The following DDR1 variants were observed in gnomAD, a reference collection of about 807,000 sequenced individuals.
DDR1 encodes discoidin domain receptor tyrosine kinase 1, also known as epithelial discoidin domain-containing receptor 1.
A neutral mutation model predicts 97.4 loss-of-function variants in DDR1; 64 were observed. The ratio of observed to expected loss-of-function variants is 0.66; its 90% CI spans 0.54 to 0.81. The LOEUF is 0.81. DDR1 is among the 30% of genes least tolerant of loss of function. DDR1 has a pLI of 0.00. For missense variants in DDR1, 990 were observed against 1,259.6 expected (o/e 0.79, Z 3.24); for synonymous variants, 458 against 503.7 (o/e 0.91, Z 1.21).
Position 30,899,249 on chromosome 6 carries a change from T to G in DDR1, c.2695T>G (p.Ser899Ala), listed in dbSNP as rs1282383384. The G allele has an allele frequency of 1.2e-6, 2 of 1,613,914 alleles. No homozygotes were observed. Among genetic ancestry groups the G allele is most frequent in the African/African-American group, 2.7e-5 (2 of 74,904 alleles). Residue 899 changes from serine to alanine, a missense_variant, in exon 18 of 18, where the codon TCC (serine) becomes GCC (alanine). By Grantham distance (99) the Ser-to-Ala change is moderately conservative (BLOSUM62 1). Transcript: ENST00000376568. ...GGAGTCTGAGCAGCGACCACCCTTT[T>G]CCCAGCTGCATCGGTTCCTGGCAGA... ...SRESEQRPPFSQLHRFLAEDA... is the reference protein window; with the variant it reads ...SRESEQRPPFAQLHRFLAEDA...
chr6:30,887,311 ATATCT>A (rs1308113343), intron 1 of DDR1, among the ~76,000 whole-genome samples: 1 of 152,258 alleles, frequency 6.6e-6, no homozygotes, highest in Non-Finnish European at 1.5e-5. Flanking sequence ...ATTCTTTTAC[ATATCT>A]TATGATTTTA....
intron 1 of DDR1, chr6:30,885,052 C>A: frequency 1.5e-6 from 1 of 670,808 alleles, no homozygotes; most frequent in Non-Finnish European, 2.5e-6. Context: ...CTATCGCCTG[C>A]CCTCCACCTG....
In DDR1 at chr6:30,888,875, C is replaced by T. The variant is rs1786879294; in HGVS notation, c.86-33C>T. 2.5e-6 allele frequency: 4 copies of T among 1,612,726 alleles called. No homozygotes were observed. The highest frequency in any genetic ancestry group is 3.4e-6 in the Non-Finnish European group (4 of 1,179,930). On this transcript the variant is annotated intron_variant, in intron 2 of 17. Transcript: ENST00000376568. The surrounding 1 kb of genome is among the most constrained non-coding windows in gnomAD (Gnocchi z 4.2). Reference sequence around the variant, plus strand: ...GGCTTGGGAGGTAGAGAGTTGGGGGCCTTGACCTGTTACATGCCTGCTTTT... The same window carrying T: ...GGCTTGGGAGGTAGAGAGTTGGGGGTCTTGACCTGTTACATGCCTGCTTTT...
At chr6:30,895,898 C>G (rs1390593099) in intron 12 of DDR1, among the ~76,000 whole-genome samples, 1 of 152,156 alleles carries the variant, frequency 6.6e-6, no homozygotes, top group Non-Finnish European at 1.5e-5. Flanking sequence ...TGCCCTTTCC[C>G]TCACATGTGT....
In DDR1 at chr6:30,885,334, G is replaced by A. The variant is rs1235712822; in HGVS notation, c.-43+624G>A. 6 of 1,429,282 alleles carry A rather than the reference G, an allele frequency of 4.2e-6. No homozygotes were observed. The African/African-American group carries it at 8.4e-5, about 20-fold the overall frequency. The allele number at this position is 1,429,282 out of a possible 1,614,324, so 88.5% of individuals were successfully genotyped here. On this transcript the variant is annotated intron_variant, in intron 1 of 17. Coordinates refer to ENST00000376568, the MANE Select transcript of DDR1 (RefSeq NM_001297654.2). ...CAGAGGCAGGCGCCCAAGCTCGCTG[G>A]CTGTTGCTGAGGGCCTGTAGGTGTG... is the stretch of plus-strand genomic sequence containing the variant.
Position 30,895,490 on chromosome 6 carries a change from T to C in DDR1, c.1600T>C (p.Trp534Arg). Residue 534 changes from tryptophan (W) to arginine (R), a missense_variant, in exon 12 of 18, where the codon TGG becomes CGG. Transcript: ENST00000376568. ...PRGPGPPTPA[W>R]AKPTNTQAYS... Reference sequence around the variant, plus strand: ...AGGCCCGGGCCCCCCCACACCCGCCTGGGCCAAACCCACCAACACCCAGGG... The same window carrying C: ...AGGCCCGGGCCCCCCCACACCCGCCCGGGCCAAACCCACCAACACCCAGGG... The C allele has an allele frequency of 6.2e-7, 1 of 1,601,958 alleles. No homozygotes were observed. Among genetic ancestry groups the C allele is most frequent in the African/African-American group, 1.3e-5 (1 of 74,934 alleles).
In DDR1 at chr6:30,886,147, A is replaced by G. The variant is rs1468768292; in HGVS notation, c.-43+1437A>G. ...TGCCCCGTGTTTCTGAGCCTGCTCT[A>G]TTTACCTCTTGCATTGTGGCTCTCG... is the stretch of plus-strand genomic sequence containing the variant. On this transcript the variant is annotated intron_variant, in intron 1 of 17. Transcript: ENST00000376568. This position sits in a 1 kb window ranked among gnomAD's most constrained non-coding sequence, Gnocchi z 4.6. Among the ~76,000 whole-genome samples the G allele has an allele frequency of 6.6e-6, 1 of 151,708 alleles. No individual in the cohort carries two copies. Among genetic ancestry groups the G allele is most frequent in the African/African-American group, 2.4e-5 (1 of 41,250 alleles).
At chr6:30,885,050 T>A (rs1255131768) in intron 1 of DDR1, 1 of 659,852 alleles carries the variant, frequency 1.5e-6, no homozygotes, top group African/African-American at 1.8e-5. Flanking sequence ...ATCTATCGCC[T>A]GCCCTCCACC....
chr6:30,891,547 G>GTGTCTGTGTGTT lies in DDR1; in HGVS notation c.665+71_665+72insCTGTGTGTTTGT. The stretch of plus-strand genomic sequence containing the variant: ...GAGGACTGTGTGTGTGTGTGTGTGT[G>GTGTCTGTGTGTT]TGTGTGTGTGAGAGTGTGTGTGTGT... On this transcript the variant is annotated intron_variant, in intron 6 of 17. Coordinates refer to ENST00000376568, the MANE Select transcript of DDR1 (RefSeq NM_001297654.2). The surrounding 1 kb of genome is among the most constrained non-coding windows in gnomAD (Gnocchi z 5.3). 5 of 960,656 alleles carry GTGTCTGTGTGTT rather than the reference G, an allele frequency of 5.2e-6. No homozygotes were observed. The highest frequency in any genetic ancestry group is 1.6e-6 in the Non-Finnish European group (1 of 625,830). 59.5% of individuals were successfully genotyped at this position (960,656 alleles called of 1,614,324 possible). A position where few individuals can be genotyped will look rare whatever the true frequency, so the allele number is the denominator to read the frequency against.
rs1788300879 is a variant in DDR1, at chr6:30,891,552, T to TGTGTGC, written c.665+78_665+79insCGTGTG. On this transcript the variant is annotated intron_variant, in intron 6 of 17. Coordinates refer to ENST00000376568, the MANE Select transcript of DDR1 (RefSeq NM_001297654.2). This position sits in a 1 kb window ranked among gnomAD's most constrained non-coding sequence, Gnocchi z 5.3. ...CTGTGTGTGTGTGTGTGTGTGTGTG[T>TGTGTGC]GTGTGAGAGTGTGTGTGTGTAGGGG... The TGTGTGC allele has an allele frequency of 3.2e-6, 3 of 951,122 alleles. No homozygotes were observed. Among genetic ancestry groups the TGTGTGC allele is most frequent in the Non-Finnish European group, 4.8e-6 (3 of 619,062 alleles). 58.9% of individuals were successfully genotyped at this position (951,122 alleles called of 1,614,324 possible).
In DDR1 at chr6:30,894,659, C is replaced by A; in HGVS notation, c.1501C>A (p.Pro501Thr). Residue 501 changes from proline to threonine, a missense_variant, in exon 11 of 18, where the codon CCC becomes ACC. Coordinates refer to ENST00000376568, the MANE Select transcript of DDR1 (RefSeq NM_001297654.2). The surrounding 1 kb of genome is among the most constrained non-coding windows in gnomAD (Gnocchi z 5.7). ...GNPPHSAPCV[P>T]NGSALLLSNP... ...TCCGCCCCACTCCGCTCCCTGTGTC[C>A]CCAATGGCTCTGGTAAGACCTGCCT... 6.2e-7 allele frequency: 1 copy of A among 1,603,310 alleles called. No homozygotes were observed.
In DDR1 at chr6:30,895,517, A is replaced by T; in HGVS notation, c.1624+3A>T. The T allele has an allele frequency of 6.3e-7, 1 of 1,576,196 alleles. No homozygotes were observed. Among genetic ancestry groups the T allele is most frequent in the Non-Finnish European group, 8.6e-7 (1 of 1,160,466 alleles). ...GGCCAAACCCACCAACACCCAGGGT[A>T]AGCCCCTCTGCCCCTGGGCTCCGCC... On this transcript the variant is annotated splice_donor_region_variant and intron_variant, in intron 12 of 17. Transcript: ENST00000376568.
Position 30,899,555 on chromosome 6 carries a change from G to A in DDR1, c.*259G>A, listed in dbSNP as rs1792220182. The A allele has an allele frequency of 1.8e-6, 1 of 553,618 alleles. No homozygotes were observed. The highest frequency in any genetic ancestry group is 3.2e-6 in the Non-Finnish European group (1 of 314,440). 34.3% of individuals were successfully genotyped at this position (553,618 alleles called of 1,614,324 possible). A position where few individuals can be genotyped will look rare whatever the true frequency, so the allele number is the denominator to read the frequency against. On this transcript the variant is annotated 3_prime_UTR_variant, in exon 18 of 18. Transcript: ENST00000376568. ...CGCCCACCCAGCTGGTCCTGTGGATGGGATCCTCTCCACCCTCCTCTAGCC... is the reference window on the plus strand; with the variant it reads ...CGCCCACCCAGCTGGTCCTGTGGATAGGATCCTCTCCACCCTCCTCTAGCC...
Position 30,897,155 on chromosome 6 carries a change from A to G in DDR1, c.1997+14A>G. On this transcript the variant is annotated intron_variant, in intron 14 of 17. Coordinates refer to ENST00000376568, the MANE Select transcript of DDR1 (RefSeq NM_001297654.2). This position sits in a 1 kb window ranked among gnomAD's most constrained non-coding sequence, Gnocchi z 5.2. ...CAAGAATGCCAGGTGAGGACCAGGG[A>G]TGGCATCTGGAAGAAGGGAGGGGAG... The G allele has an allele frequency of 6.2e-7, 1 of 1,612,944 alleles. No individual in the cohort carries two copies. The highest frequency in any genetic ancestry group is 1.3e-5 in the African/African-American group (1 of 74,900).
Position 30,895,396 on chromosome 6 carries a change from C to T in DDR1, c.1514-8C>T. ...TCCCCGTGTTTCCCCTCCTCCTTCT[C>T]CCGACAGCGTTGCTGCTCTCCAATC... is the stretch of plus-strand genomic sequence containing the variant. On this transcript the variant is annotated splice_polypyrimidine_tract_variant and splice_region_variant and intron_variant, in intron 11 of 17. Transcript: ENST00000376568. 3 of 1,605,750 alleles carry T rather than the reference C, an allele frequency of 1.9e-6. No homozygotes were observed. The highest frequency in any genetic ancestry group is 2.6e-6 in the Non-Finnish European group (3 of 1,175,756).
intron 16 of DDR1, 120 bp downstream of exon 16, chr6:30,898,427 A>T (rs1791736323): frequency 4.1e-6 from 3 of 734,960 alleles, no homozygotes; most frequent in African/African-American, 3.5e-5. Context: ...ACAGAATCTC[A>T]TCTATAATAT....
intron 1 of DDR1, chr6:30,885,789 C>G (rs530096087): frequency 7.7e-7 from 1 of 1,290,548 alleles, no homozygotes; most frequent in African/African-American, 1.5e-5. Context: ...CCACATTTAG[C>G]CTCGCTGTTT....
intron 9 of DDR1, 29 bp downstream of exon 9, chr6:30,893,192 C>T (rs202224714): frequency 1.3e-6 from 2 of 1,598,886 alleles, no homozygotes; most frequent in East Asian, 4.5e-5. Flanking sequence ...GCGTGTGGAC[C>T]CTCTGCACCC....
At chr6:30,898,396 A>G (rs1791726092) in intron 16 of DDR1, 89 bp downstream of exon 16, 2 of 950,298 alleles carry the variant, frequency 2.1e-6, no homozygotes, top group Admixed American at 2.3e-5. Context: ...TCAGTCACAC[A>G]CTTTCTCTGG....
Sources: gnomAD v4.1 joint callset for allele counts (sites outside exome capture counted in the v4.1 genomes callset) on GRCh38, gnomAD v4.1.1 for gene constraint, Gnocchi (gnomAD v3.1) non-coding constraint, MANE v1.5 for transcripts, NCBI Gene and HGNC (gene_info 2026-07-23, HGNC 2026-07-21) for gene names.